CTPS1: variants seen among roughly 807,000 people sequenced by gnomAD.
CTPS1 encodes CTP synthase 1.
A neutral mutation model predicts 80.5 loss-of-function variants in CTPS1; 25 were observed. The observed-to-expected ratio is 0.31, with a 90% confidence interval of 0.23 to 0.43. CTPS1 has a LOEUF of 0.43. Ranked by LOEUF, CTPS1 falls within the 20% of genes least tolerant of loss-of-function variation. The probability of loss-of-function intolerance (pLI) is 1.00; values close to 1 mark genes in which losing one functional copy is unlikely to be tolerated. For missense variants in CTPS1, 442 were observed against 725.7 expected (o/e 0.61, Z 4.49); for synonymous variants, 267 against 252.5 (o/e 1.06, Z -0.54).
intron 4 of CTPS1, 56 bp downstream of exon 4, chr1:40,987,528 C>G (rs944805672): frequency 2.4e-6 from 3 of 1,261,714 alleles, no homozygotes; most frequent in East Asian, 4.7e-5. Flanking sequence ...AGTCAGCCAT[C>G]AATAACTGAT....
At chr1:40,985,048 C>T (rs188705320) in intron 3 of CTPS1, 57 bp downstream of exon 3, 3 of 1,278,080 alleles carry the variant, frequency 2.3e-6, no homozygotes, top group East Asian at 2.6e-5. Flanking sequence ...ATTTCTTCTC[C>T]CTCCCACCTC....
At chr1:40,996,407 T>G (rs928227293) in intron 8 of CTPS1, among the ~76,000 whole-genome samples, 6 of 152,182 alleles carry the variant, frequency 3.9e-5, no homozygotes, top group Non-Finnish European at 8.8e-5. Context: ...CACGAATGGC[T>G]GACAGTGGCT....
Position 41,009,541 on chromosome 1 carries a change from T to TG in CTPS1, c.1647dup (p.Arg550AlafsTer19). The TG allele has an allele frequency of 6.2e-7, 1 of 1,614,136 alleles. No individual in the cohort carries two copies. The highest frequency in any genetic ancestry group is 8.5e-7 in the Non-Finnish European group (1 of 1,180,012). ...TACTTTGGCCTCCTCCTGGCCTCTG[T>TG]GGGGCGGCTCTCACATTACCTCCAG... On this transcript the variant is annotated frameshift_variant, in exon 17 of 19. Coordinates refer to ENST00000650070, the MANE Select transcript of CTPS1 (RefSeq NM_001905.4). LOFTEE classifies it high-confidence loss of function.
At chr1:40,992,561 A>G (rs1200417168) in intron 7 of CTPS1, among the ~76,000 whole-genome samples, 3 of 152,058 alleles carry the variant, frequency 2.0e-5, no homozygotes, top group Non-Finnish European at 4.4e-5. Context: ...GGTGCTTAGT[A>G]TGGAAATTCT....
At chr1:41,005,342 G>A (rs1643006730) in intron 12 of CTPS1, among the ~76,000 whole-genome samples, 1 of 152,060 alleles carries the variant, frequency 6.6e-6, no homozygotes, top group Non-Finnish European at 1.5e-5. Context: ...TACTCGGGAG[G>A]CTGAGACAGG....
intron 5 of CTPS1, among the ~76,000 whole-genome samples, chr1:40,989,269 A>G (rs1570948608): frequency 6.6e-6 from 1 of 152,172 alleles, no homozygotes; most frequent in Non-Finnish European, 1.5e-5. Context: ...TTGGCAGAAG[A>G]CTGGAGGCTT....
chr1:40,988,155 C>T (rs1351789596), intron 4 of CTPS1, among the ~76,000 whole-genome samples: 2 of 152,188 alleles, frequency 1.3e-5, no homozygotes, highest in African/African-American at 4.8e-5. Context: ...CTCAAGCCAT[C>T]TGCCTGCCTT....
Position 41,001,052 on chromosome 1 carries a change from GC to G in CTPS1, c.1032del (p.Ile345SerfsTer56). On this transcript the variant is annotated frameshift_variant, in exon 10 of 19. Coordinates refer to ENST00000650070, the MANE Select transcript of CTPS1 (RefSeq NM_001905.4). LOFTEE classifies it high-confidence loss of function. ...IKYIDSADLE[P>X]ITSQEEPVRY... ...AGTACATAGATTCTGCGGACTTGGA[GC>G]CCATCACCTCGCAAGAAGAGCCCGT... The G allele has an allele frequency of 6.2e-7, 1 of 1,612,252 alleles. No homozygotes were observed.
chr1:40,985,964 T>G (rs2148389546), intron 3 of CTPS1, among the ~76,000 whole-genome samples: 1 of 152,294 alleles, frequency 6.6e-6, no homozygotes, highest in South Asian at 2.1e-4. Context: ...AGGAATCAGT[T>G]AGGAATTAGA....
chr1:40,988,801 T>C, intron 5 of CTPS1, 91 bp downstream of exon 5: 1 of 817,906 alleles, frequency 1.2e-6, no homozygotes, highest in Non-Finnish European at 2.0e-6. Flanking sequence ...TGTCTAGTAG[T>C]TTTCACTTGA....
intron 14 of CTPS1, among the ~76,000 whole-genome samples, chr1:41,008,449 T>C (rs566861473): frequency 2.6e-5 from 4 of 152,290 alleles, no homozygotes; most frequent in Admixed American, 2.0e-4. Context: ...TGTTACAGCT[T>C]TCTGTAGTGT....
At chr1:41,004,165 A>G (rs1426390494) in intron 12 of CTPS1, 1 of 152,258 alleles carries the variant, frequency 6.6e-6, no homozygotes, top group African/African-American at 2.4e-5. Flanking sequence ...ACCACAGCCC[A>G]TTTATTCTCT....
At chr1:40,983,771 A>G (rs1300427142) in intron 2 of CTPS1, among the ~76,000 whole-genome samples, 1 of 152,002 alleles carries the variant, frequency 6.6e-6, no homozygotes, top group Non-Finnish European at 1.5e-5. Context: ...TACAGGTGTA[A>G]ATCACCATGC....
At chr1:40,981,735 C>T (rs1048555238) in intron 1 of CTPS1, among the ~76,000 whole-genome samples, 2 of 152,020 alleles carry the variant, frequency 1.3e-5, no homozygotes, top group African/African-American at 4.8e-5. Context: ...TTGAGAATCC[C>T]ATGTGCATTT....
At chr1:41,006,006 C>T (rs376772669) in intron 12 of CTPS1, 45 bp from the exon 13 acceptor site, 1 of 1,487,518 alleles carries the variant, frequency 6.7e-7, no homozygotes, top group Non-Finnish European at 9.4e-7. Context: ...CTATTAATCA[C>T]TTTCGTTTGT....
rs76236793 is a variant in CTPS1, at chr1:40,986,161, G to A, written c.337+1170G>A. On this transcript the variant is annotated intron_variant, in intron 3 of 18. Transcript: ENST00000650070. ...CAACAAACATGAAACAAAACGAGAC[G>A]TCTGTCAGAAGCTGTGAAGAAACCA... 5.4e-3 allele frequency among the ~76,000 whole-genome samples: 824 copies of A among 152,340 alleles called. 7 individuals carry two copies. Among genetic ancestry groups the A allele is most frequent in the African/African-American group, 0.019 (788 of 41,570 alleles).
Position 40,984,951 on chromosome 1 carries a change from C to G in CTPS1, c.297C>G (p.Asn99Lys). The G allele has an allele frequency of 6.3e-7, 1 of 1,595,532 alleles. No homozygotes were observed. Among genetic ancestry groups the G allele is most frequent in the Non-Finnish European group, 8.6e-7 (1 of 1,167,136 alleles). Residue 99 changes from asparagine (N) to lysine (K), a missense_variant, in exon 3 of 19, where the codon AAC (asparagine) becomes AAG (lysine). By Grantham distance (94) the Asn-to-Lys change is moderately conservative. This residue lies in a region of CTPS1 where 69 missense variants were observed against 102.1 expected (regional missense o/e 0.68). Transcript: ENST00000650070. The stretch of plus-strand genomic sequence containing the variant: ...GAAAGATATACCAGTATGTCATTAA[C>G]AAGGAACGGAAAGGAGATTACTTGG... ...TTGKIYQYVI[N>K]KERKGDYLGK...
chr1:40,994,941 G>A (rs997889477), intron 7 of CTPS1, among the ~76,000 whole-genome samples: 3 of 152,092 alleles, frequency 2.0e-5, no homozygotes, highest in Non-Finnish European at 2.9e-5. Context: ...CTATTTATGT[G>A]GTGAATTCCA....
rs1642619836 is a variant in CTPS1, at chr1:40,991,909, A to G, written c.720+64A>G. 3.9e-6 allele frequency: 5 copies of G among 1,286,138 alleles called. No homozygotes were observed. In the South Asian group the frequency reaches 6.0e-5, roughly 15 times the overall value. 79.7% of individuals were successfully genotyped at this position (1,286,138 alleles called of 1,614,324 possible). A position where few individuals can be genotyped will look rare whatever the true frequency, so the allele number is the denominator to read the frequency against. ...CTTCTAATTGTCCTAAAGCCTCTTG[A>G]TCAGTTTCGTGAGGCTTGTTATTTT... On this transcript the variant is annotated intron_variant, in intron 7 of 18. Coordinates refer to ENST00000650070, the MANE Select transcript of CTPS1 (RefSeq NM_001905.4).
Sources: gnomAD v4.1 joint callset for allele counts (sites outside exome capture counted in the v4.1 genomes callset) on GRCh38, gnomAD v4.1.1 for gene constraint, gnomAD v4.1.1 regional missense constraint, MANE v1.5 for transcripts, NCBI Gene and HGNC (gene_info 2026-07-23, HGNC 2026-07-21) for gene names.